ANKFN1: variants seen among roughly 807,000 people sequenced by gnomAD.
ANKFN1 encodes the protein ankyrin repeat and fibronectin type-III domain-containing protein 1.
ANKFN1 carries 74 observed loss-of-function variants against 108.7 expected under a neutral mutation model. The ratio of observed to expected loss-of-function variants is 0.68; its 90% CI spans 0.56 to 0.83. The LOEUF (loss-of-function observed/expected upper bound fraction) is 0.83, where lower values mean the gene tolerates loss of function less well. ANKFN1 is among the 40% of genes least tolerant of loss of function. ANKFN1 has a pLI of 0.00. For synonymous variants in ANKFN1, 547 were observed against 516.2 expected (o/e 1.06, Z -0.81); for missense variants, 1,505 against 1,382.3 (o/e 1.09, Z -1.41).
At chr17:56,049,498 G>A (rs1027303547) in intron 4 of ANKFN1, among the ~76,000 whole-genome samples, 103 of 151,490 alleles carry the variant, frequency 6.8e-4, no homozygotes, top group East Asian at 3.9e-4. Context: ...CCACTAACTC[G>A]TCATCTAGCA....
chr17:56,510,294 A>G (rs991080391), intron 20 of ANKFN1, among the ~76,000 whole-genome samples, 179 bp from the exon 21 acceptor site: 1 of 152,218 alleles, frequency 6.6e-6, no homozygotes, highest in African/African-American at 2.4e-5. Flanking sequence ...GGTCCTGTGC[A>G]AAATGAAAAT....
At chr17:56,076,622 G>C (rs1256946932) in intron 4 of ANKFN1, among the ~76,000 whole-genome samples, 4 of 152,132 alleles carry the variant, frequency 2.6e-5, no homozygotes, top group Admixed American at 2.0e-4. Flanking sequence ...AATGCAGCTT[G>C]CTTTCTTTAA....
intron 4 of ANKFN1, among the ~76,000 whole-genome samples, chr17:56,143,686 G>T (rs1414871447): frequency 3.3e-5 from 5 of 152,178 alleles, no homozygotes; most frequent in Non-Finnish European, 7.3e-5. Context: ...GTCATCCTGG[G>T]TTTAGCATGG....
At chr17:56,439,406 T>C (rs1021272748) in intron 8 of ANKFN1, among the ~76,000 whole-genome samples, 8 of 151,870 alleles carry the variant, frequency 5.3e-5, no homozygotes, top group Admixed American at 2.6e-4. Flanking sequence ...AGATACTTTT[T>C]ACTGATGATG....
chr17:56,140,111 C>G (rs143350801), intron 4 of ANKFN1, among the ~76,000 whole-genome samples: 63 of 152,370 alleles, frequency 4.1e-4, no homozygotes, highest in African/African-American at 1.4e-3. Context: ...CTCAAAACAT[C>G]TAAAACATTA....
intron 3 of ANKFN1, among the ~76,000 whole-genome samples, chr17:56,292,943 T>C (rs1354739937): frequency 6.6e-6 from 1 of 152,218 alleles, no homozygotes; most frequent in Non-Finnish European, 1.5e-5. Context: ...CTATCACCAG[T>C]GAAGCATCTT....
At chr17:56,237,479 A>G (rs1917241611) in intron 3 of ANKFN1, among the ~76,000 whole-genome samples, 1 of 152,134 alleles carries the variant, frequency 6.6e-6, no homozygotes, top group East Asian at 1.9e-4. Context: ...TGGTCTGTTC[A>G]GGGAATCAAT....
chr17:56,320,924 A>G (rs926689691), intron 3 of ANKFN1, among the ~76,000 whole-genome samples: 1 of 152,152 alleles, frequency 6.6e-6, no homozygotes, highest in Non-Finnish European at 1.5e-5. Context: ...CTCGTCTCCA[A>G]GACTTAGAGA....
chr17:56,159,959 G>A (rs1252245388), intron 1 of ANKFN1, among the ~76,000 whole-genome samples: 1 of 151,908 alleles, frequency 6.6e-6, no homozygotes, highest in Non-Finnish European at 1.5e-5. Context: ...GGGCAGGGCA[G>A]GAGGGCAGGG....
intron 8 of ANKFN1, among the ~76,000 whole-genome samples, chr17:56,408,311 G>A (rs1453075728): frequency 6.6e-6 from 1 of 152,134 alleles, no homozygotes; most frequent in East Asian, 1.9e-4. Flanking sequence ...TATTATCAAA[G>A]ATGTTTATAC....
rs1270612752 is a variant in ANKFN1 at position 56,498,876 on chromosome 17, C to G, written c.2428-6C>G. The G allele has an allele frequency of 6.5e-7, 1 of 1,534,276 alleles. No homozygotes were observed. ...ACTTAGTGTCTTTTACCATTTTATT[C>G]CAAAGCAAATAGATGAAGTCTGGCG... On this transcript the variant is annotated splice_polypyrimidine_tract_variant and splice_region_variant and intron_variant, in intron 19 of 20. Transcript: ENST00000682825.
At chr17:56,082,451 C>A (rs1408783535) in intron 4 of ANKFN1, among the ~76,000 whole-genome samples, 8 of 122,596 alleles carry the variant, frequency 6.5e-5, no homozygotes, top group South Asian at 2.6e-4. Flanking sequence ...CAAAAAAAAA[C>A]CACGAGGCAC....
At chr17:56,260,468 C>T (rs182356451) in intron 3 of ANKFN1, among the ~76,000 whole-genome samples, 30 of 151,780 alleles carry the variant, frequency 2.0e-4, no homozygotes, top group African/African-American at 3.6e-4. Context: ...CAAATAGGGG[C>T]GGGTGGGGAC....
At chr17:56,308,260 C>T (rs1186812136) in intron 3 of ANKFN1, among the ~76,000 whole-genome samples, 1 of 151,290 alleles carries the variant, frequency 6.6e-6, no homozygotes, top group Admixed American at 6.6e-5. Flanking sequence ...GAAGTTAAAG[C>T]ATAAAAAAAT....
intron 3 of ANKFN1, among the ~76,000 whole-genome samples, chr17:56,279,517 T>G (rs557379040): frequency 4.0e-4 from 61 of 152,342 alleles, no homozygotes; most frequent in Non-Finnish European, 1.2e-4. Flanking sequence ...CAAAGACAGC[T>G]ATTGACTTGG....
chr17:56,485,853 G>A (rs553491525), intron 18 of ANKFN1, among the ~76,000 whole-genome samples: 2 of 152,232 alleles, frequency 1.3e-5, no homozygotes, highest in South Asian at 4.1e-4. Flanking sequence ...ACAGATTCTT[G>A]GAGCCCAACC....
At chr17:56,057,253 T>C (rs900658186) in intron 4 of ANKFN1, among the ~76,000 whole-genome samples, 6 of 152,178 alleles carry the variant, frequency 3.9e-5, no homozygotes, top group African/African-American at 1.2e-4. Context: ...AAGTCAACCA[T>C]GAAGAATGCA....
rs545334754 is a variant in ANKFN1, at chr17:56,241,302, C to CA, written c.53+13353dup. Among the ~76,000 whole-genome samples, 95 of 151,506 alleles carry CA rather than the reference C, an allele frequency of 6.3e-4. 1 individual carries two copies. Among genetic ancestry groups the CA allele is most frequent in the East Asian group, 9.7e-4 (5 of 5,160 alleles). On this transcript the variant is annotated intron_variant, in intron 3 of 20. Coordinates refer to ENST00000682825, the MANE Select transcript of ANKFN1 (RefSeq NM_001370326.1). ...ACAAACAAACAAACAAATAAAACAACAAAAAAAAGAAAGTTACATTTTGTA... is the reference window on the plus strand; with the variant it reads ...ACAAACAAACAAACAAATAAAACAACAAAAAAAAAGAAAGTTACATTTTGTA...
intron 4 of ANKFN1, among the ~76,000 whole-genome samples, chr17:56,074,340 ATCAATGAGTC>A (rs1905156435): frequency 6.6e-6 from 1 of 152,210 alleles, no homozygotes; most frequent in African/African-American, 2.4e-5. Context: ...CTGTTGAATG[ATCAATGAGTC>A]TCCATTCCAG....
Sources: allele counts gnomAD v4.1 joint callset (sites outside exome capture counted in the v4.1 genomes callset), GRCh38; gene constraint gnomAD v4.1.1; transcripts MANE v1.5; gene names NCBI Gene and HGNC (gene_info 2026-07-23, HGNC 2026-07-21).